The following PPP1R9A variants were observed in gnomAD, a reference collection of about 807,000 sequenced individuals.
The protein encoded by PPP1R9A is neurabin-1.
PPP1R9A carries 59 observed loss-of-function variants against 141.9 expected under a neutral mutation model. That is an observed-to-expected ratio of 0.42 (90% CI 0.34 to 0.52). The LOEUF is 0.52. Among genes scored for constraint, PPP1R9A ranks in the 20% least tolerant of loss-of-function variants. The pLI is 0.10. For missense variants in PPP1R9A, 1,444 were observed against 1,611.9 expected, an observed-to-expected ratio of 0.90 and a Z score of 1.78; for synonymous variants, 500 against 569.7, an observed-to-expected ratio of 0.88 and a Z score of 1.74.
chr7:95,173,973 T>G (rs1169996818), intron 5 of PPP1R9A, among the ~76,000 whole-genome samples: 1 of 152,062 alleles, frequency 6.6e-6, no homozygotes, highest in East Asian at 1.9e-4. Context: ...TTTTCCAAAG[T>G]TAGGCATACA....
chr7:95,065,671 A>C (rs1162995148), intron 2 of PPP1R9A, among the ~76,000 whole-genome samples: 1 of 152,182 alleles, frequency 6.6e-6, no homozygotes, highest in Non-Finnish European at 1.5e-5. Flanking sequence ...CACAGACCAA[A>C]GTAGTGATTT....
chr7:94,985,067 T>C (rs1156994264), intron 2 of PPP1R9A, among the ~76,000 whole-genome samples: 1 of 152,234 alleles, frequency 6.6e-6, no homozygotes, highest in Non-Finnish European at 1.5e-5. Flanking sequence ...TACATCTTTA[T>C]TTCTGCCTTC....
At chr7:95,077,439 G>T (rs1815027356) in intron 2 of PPP1R9A, among the ~76,000 whole-genome samples, 1 of 151,582 alleles carries the variant, frequency 6.6e-6, no homozygotes, top group Non-Finnish European at 1.5e-5. Flanking sequence ...TTATTTTACT[G>T]AGTTAAAAGA....
intron 16 of PPP1R9A, among the ~76,000 whole-genome samples, chr7:95,279,279 G>A (rs1364212554): frequency 6.6e-6 from 1 of 152,164 alleles, no homozygotes; most frequent in African/African-American, 2.4e-5. Context: ...CTCTGCCCCT[G>A]TTGCTGAGTA....
At chr7:95,224,242 A>G (rs1238154897) in intron 7 of PPP1R9A, among the ~76,000 whole-genome samples, 5 of 152,074 alleles carry the variant, frequency 3.3e-5, no homozygotes, top group Admixed American at 1.3e-4. Flanking sequence ...GAGGCCACCA[A>G]CCTCTTTTCC....
intron 2 of PPP1R9A, among the ~76,000 whole-genome samples, chr7:95,003,478 GA>G (rs1803212621): frequency 6.6e-6 from 1 of 152,160 alleles, no homozygotes; most frequent in African/African-American, 2.4e-5. Context: ...GTATAAAAAT[GA>G]GATTGTTAAG....
intron 2 of PPP1R9A, among the ~76,000 whole-genome samples, chr7:94,918,881 A>G (rs1336527225): frequency 6.6e-6 from 1 of 152,194 alleles, no homozygotes; most frequent in Non-Finnish European, 1.5e-5. Context: ...GATATGGTCT[A>G]AAAGTTAAGT....
At chr7:94,935,318 G>C (rs758014942) in intron 2 of PPP1R9A, among the ~76,000 whole-genome samples, 3 of 152,092 alleles carry the variant, frequency 2.0e-5, no homozygotes, top group Non-Finnish European at 4.4e-5. Context: ...CAAGGACTTT[G>C]TACAGTCTAG....
intron 1 of PPP1R9A, among the ~76,000 whole-genome samples, chr7:94,908,949 TCAAAA>T (rs1562973933): frequency 6.6e-6 from 1 of 152,074 alleles, no homozygotes; most frequent in Non-Finnish European, 1.5e-5. Context: ...CGGTCTAATA[TCAAAA>T]CAAAACAAAA....
Position 95,044,476 on chromosome 7 carries a change from A to T in PPP1R9A, c.1396-66783A>T, listed in dbSNP as rs553300110. On this transcript the variant is annotated intron_variant, in intron 2 of 19. Transcript: ENST00000433360. ...GTCTAATGAGTCTAAAAGAGAAAAA[A>T]GCTGAAAATGTCTTGAAAAGTAAGG... Among the ~76,000 whole-genome samples, 8 of 152,246 alleles carry T rather than the reference A, an allele frequency of 5.3e-5. No individual in the cohort carries two copies. The South Asian group carries it at 1.7e-3, about 32-fold the overall frequency.
At chr7:94,929,709 A>G (rs562139295) in intron 2 of PPP1R9A, among the ~76,000 whole-genome samples, 3 of 152,172 alleles carry the variant, frequency 2.0e-5, no homozygotes, top group South Asian at 4.2e-4. Context: ...AGATTTGTAT[A>G]TTAGAAAACC....
rs1335252957 is a variant in PPP1R9A at position 95,198,466 on chromosome 7, T to C, written c.1872T>C (p.Tyr624=). 1 of 1,593,702 alleles carries C rather than the reference T, an allele frequency of 6.3e-7. No homozygotes were observed. The highest frequency in any genetic ancestry group is 1.1e-5 in the South Asian group (1 of 87,544). Residue 624 remains tyrosine (Y), a synonymous_variant, in exon 6 of 20, where the codon TAT becomes TAC. Coordinates refer to ENST00000433360, the MANE Select transcript of PPP1R9A (RefSeq NM_001166160.2). ...RELLEQHYAQ[Y]DADDDENTVA... ...TGCTGGAACAGCACTATGCCCAGTA[T>C]GATGCCGACGATGACGAGGTCAGTA... is the stretch of plus-strand genomic sequence containing the variant.
chr7:95,222,952 T>G (rs1173067537), intron 7 of PPP1R9A, among the ~76,000 whole-genome samples: 2 of 152,068 alleles, frequency 1.3e-5, no homozygotes, highest in Non-Finnish European at 2.9e-5. Flanking sequence ...TAAGTGTAAC[T>G]TTTTTATTTC....
intron 2 of PPP1R9A, among the ~76,000 whole-genome samples, chr7:95,034,382 A>G (rs537891728): frequency 2.4e-4 from 36 of 152,298 alleles, no homozygotes; most frequent in Non-Finnish European, 4.0e-4. Flanking sequence ...TTCTAAATAT[A>G]TTTAAAATTA....
In PPP1R9A at chr7:95,268,540, A is replaced by G. The variant is rs1354634080; in HGVS notation, c.2666-10A>G. ...GGTTTCTCTCACTGATTATCTTTCA[A>G]TATTCTTAGACTTGAATGAAGCAGT... On this transcript the variant is annotated splice_polypyrimidine_tract_variant and intron_variant, in intron 12 of 19. Transcript: ENST00000433360. 7 of 1,612,284 alleles carry G rather than the reference A, an allele frequency of 4.3e-6. No individual in the cohort carries two copies. In the East Asian group the frequency reaches 6.7e-5, roughly 15 times the overall value.
intron 2 of PPP1R9A, among the ~76,000 whole-genome samples, chr7:94,936,013 AT>A (rs1003509061): frequency 6.6e-6 from 1 of 152,192 alleles, no homozygotes; most frequent in Non-Finnish European, 1.5e-5. Flanking sequence ...CTATGTTTAC[AT>A]TTGTAAAAGA....
chr7:95,217,789 T>C (rs1793712258), intron 7 of PPP1R9A, among the ~76,000 whole-genome samples: 1 of 152,226 alleles, frequency 6.6e-6, no homozygotes, highest in South Asian at 2.1e-4. Context: ...TGATGGTAGT[T>C]TGTATTTCTG....
At chr7:95,145,045 A>G (rs1827365653) in intron 4 of PPP1R9A, among the ~76,000 whole-genome samples, 1 of 152,244 alleles carries the variant, frequency 6.6e-6, no homozygotes, top group African/African-American at 2.4e-5. Context: ...AAAGATATGC[A>G]CACTGAAAAC....
Position 95,287,227 on chromosome 7 carries a change from C to T in PPP1R9A, c.3729+902C>T. On this transcript the variant is annotated intron_variant, in intron 18 of 19. Coordinates refer to ENST00000433360, the MANE Select transcript of PPP1R9A (RefSeq NM_001166160.2). The stretch of plus-strand genomic sequence containing the variant: ...GAGATGACTGAAAAATCAGACAATA[C>T]AAGAATATCTTCCTCTGTAGTGAAG... The T allele has an allele frequency of 4.9e-6, 7 of 1,432,482 alleles. No homozygotes were observed. In the South Asian group the frequency reaches 8.0e-5, roughly 16 times the overall value. 88.7% of individuals were successfully genotyped at this position (1,432,482 alleles called of 1,614,324 possible).
Sources: gnomAD v4.1 joint callset for allele counts (sites outside exome capture counted in the v4.1 genomes callset) on GRCh38, gnomAD v4.1.1 for gene constraint, MANE v1.5 for transcripts, NCBI Gene and HGNC (gene_info 2026-07-23, HGNC 2026-07-21) for gene names.